APBB1: variants seen among roughly 807,000 people sequenced by gnomAD.
APBB1 encodes the protein amyloid beta precursor protein binding family B member 1, also known as adaptor protein FE65a2.
A neutral mutation model predicts 78.4 loss-of-function variants in APBB1; 22 were observed. The ratio of observed to expected loss-of-function variants is 0.28; its 90% CI spans 0.20 to 0.40. The LOEUF (loss-of-function observed/expected upper bound fraction) is 0.40. APBB1 is among the 10% of genes least tolerant of loss of function. The pLI is 1.00. For missense variants in APBB1, 749 were observed against 932.4 expected (o/e 0.80, Z 2.56); for synonymous variants, 369 against 372.7 (o/e 0.99, Z 0.12).
At position 6,414,471 on chromosome 11, in the gene APBB1, A is replaced by C. The variant is rs138781093; in HGVS notation, c.-14-3110T>G. Among the ~76,000 whole-genome samples, 407 of 152,206 alleles carry C rather than the reference A, an allele frequency of 2.7e-3. 1 individual carries two copies. Among genetic ancestry groups the C allele is most frequent in the African/African-American group, 9.4e-3 (392 of 41,530 alleles). On this transcript the variant is annotated intron_variant, in intron 1 of 14. Transcript: ENST00000609360. ...GAGAGTGTGCCGTGTGCCGACACAG[A>C]CTGGGCTGTTGCAGAAGGAAAGGAC...
rs552978795 is a variant in APBB1, at chr11:6,405,964, G to A, written c.722-2142C>T. 3.3e-4 allele frequency among the ~76,000 whole-genome samples: 50 copies of A among 152,304 alleles called. No homozygotes were observed. In the East Asian group the frequency reaches 8.7e-3, roughly 26 times the overall value. On this transcript the variant is annotated intron_variant, in intron 2 of 14. Transcript: ENST00000609360. Reference sequence around the variant, plus strand: ...GGACACTTCTGGAATCTGGGGACCAGTTCACCATCTCCTGACTGAGTCACA... The same window carrying A: ...GGACACTTCTGGAATCTGGGGACCAATTCACCATCTCCTGACTGAGTCACA...
At chr11:6,400,180 C>T (rs987101368) in intron 12 of APBB1, among the ~76,000 whole-genome samples, 1 of 152,154 alleles carries the variant, frequency 6.6e-6, no homozygotes, top group Non-Finnish European at 1.5e-5. Context: ...TGGTAAGCTT[C>T]AAAGGTATTT....
At chr11:6,400,922 G>A (rs1415712982) in intron 12 of APBB1, 67 bp downstream of exon 12, 1 of 1,440,318 alleles carries the variant, frequency 6.9e-7, no homozygotes, top group Non-Finnish European at 9.8e-7. Flanking sequence ...AGTATTGGAA[G>A]GCAGAGGGTA....
intron 2 of APBB1, chr11:6,404,173 A>G (rs1476772980): frequency 5.6e-6 from 2 of 354,108 alleles, no homozygotes; most frequent in African/African-American, 4.1e-5. Context: ...GAAGGTGAAC[A>G]CTTTCTAGCT....
Position 6,401,700 on chromosome 11 carries a change from G to A in APBB1, c.1389-12C>T. The A allele has an allele frequency of 6.2e-7, 1 of 1,613,942 alleles. No individual in the cohort carries two copies. Among genetic ancestry groups the A allele is most frequent in the Non-Finnish European group, 8.5e-7 (1 of 1,179,880 alleles). On this transcript the variant is annotated splice_polypyrimidine_tract_variant and intron_variant, in intron 9 of 14. Coordinates refer to ENST00000609360, the MANE Select transcript of APBB1 (RefSeq NM_001164.5). The surrounding 1 kb of genome is among the most constrained non-coding windows in gnomAD (Gnocchi z 4.5). ...CGTAGGCAAAGTCCCTGTTGGGGAA[G>A]GGGCACCTCAGTGTCTCCCAGTACC...
intron 2 of APBB1, among the ~76,000 whole-genome samples, chr11:6,407,992 T>G (rs377092285): frequency 0.04 from 5,990 of 151,480 alleles, 400 homozygotes; most frequent in African/African-American, 0.14. Flanking sequence ...TGTTAGCCAG[T>G]ATGGTCTCGA....
chr11:6,419,390 A>C (rs1255867391), upstream of APBB1: 1 of 177,028 alleles, frequency 5.6e-6, no homozygotes, highest in Non-Finnish European at 1.2e-5. Context: ...ACGCCGGGAG[A>C]CGCGCGGACG....
At position 6,395,229 on chromosome 11, in the gene APBB1, G is replaced by C; in HGVS notation, c.*305C>G. ...CCAGTCCCTTCCTCCTTCTGCCCCT[G>C]CTGGGTCCAGGAGGATGAGGCCTGG... On this transcript the variant is annotated 3_prime_UTR_variant, in exon 15 of 15. Coordinates refer to ENST00000609360, the MANE Select transcript of APBB1 (RefSeq NM_001164.5). The surrounding 1 kb of genome is among the most constrained non-coding windows in gnomAD (Gnocchi z 5.2). The C allele has an allele frequency of 3.3e-6, 1 of 305,540 alleles. No homozygotes were observed. Among genetic ancestry groups the C allele is most frequent in the Non-Finnish European group, 6.1e-6 (1 of 165,214 alleles). The allele number at this position is 305,540 out of a possible 1,614,324, so 18.9% of individuals were successfully genotyped here.
At position 6,411,314 on chromosome 11, in the gene APBB1, T is replaced by C. The variant is rs776166798; in HGVS notation, c.34A>G (p.Ile12Val). The C allele has an allele frequency of 1.3e-6, 2 of 1,553,994 alleles. No individual in the cohort carries two copies. The highest frequency in any genetic ancestry group is 1.7e-6 in the Non-Finnish European group (2 of 1,150,986). Residue 12 changes from isoleucine (I) to valine (V), a missense_variant, in exon 2 of 15, where the codon ATT becomes GTT. Physicochemically the swap from Ile to Val is conservative, Grantham distance 29. Transcript: ENST00000609360. The surrounding 1 kb of genome is among the most constrained non-coding windows in gnomAD (Gnocchi z 5.2). ...SVPSSLSQSA[I>V]NANSHGGPAL... Reference sequence around the variant, plus strand: ...GGGCCTCCGTGGCTGTTGGCATTAATGGCCGACTGGCTCAGTGATGATGGA... The same window carrying C: ...GGGCCTCCGTGGCTGTTGGCATTAACGGCCGACTGGCTCAGTGATGATGGA...
At chr11:6,404,954 G>A (rs1015017093) in intron 2 of APBB1, 23 of 1,439,020 alleles carry the variant, frequency 1.6e-5, no homozygotes, top group African/African-American at 1.0e-4. Context: ...ATCCTCCCCC[G>A]CTTGGAGCTT....
Position 6,402,745 on chromosome 11 carries a change from G to A in APBB1, c.1105-20C>T, listed in dbSNP as rs1848592088. The stretch of plus-strand genomic sequence containing the variant: ...GAAACACTGCCAGACACAGAAGAGG[G>A]GCAGGAGGTAGAGGATCTGAGTCAA... On this transcript the variant is annotated intron_variant, in intron 6 of 14. Coordinates refer to ENST00000609360, the MANE Select transcript of APBB1 (RefSeq NM_001164.5). The A allele has an allele frequency of 1.9e-6, 3 of 1,613,684 alleles. No homozygotes were observed. The highest frequency in any genetic ancestry group is 2.2e-5 in the South Asian group (2 of 91,080).
chr11:6,406,963 G>C (rs557880757), intron 2 of APBB1, among the ~76,000 whole-genome samples: 1 of 152,200 alleles, frequency 6.6e-6, no homozygotes, highest in African/African-American at 2.4e-5. Flanking sequence ...CAGCATTTAC[G>C]ATAAGGCCTG....
rs1420898095 is a variant in APBB1 at position 6,398,452 on chromosome 11, G to C, written c.1673-2237C>G. Reference sequence around the variant, plus strand: ...AATGAATATTGCAGCTTCTGGATGGGCTAATGTTTAAAAACGAGCATAAGA... The same window carrying C: ...AATGAATATTGCAGCTTCTGGATGGCCTAATGTTTAAAAACGAGCATAAGA... On this transcript the variant is annotated intron_variant, in intron 12 of 14. Coordinates refer to ENST00000609360, the MANE Select transcript of APBB1 (RefSeq NM_001164.5). 3.9e-5 allele frequency among the ~76,000 whole-genome samples: 6 copies of C among 152,272 alleles called. No individual in the cohort carries two copies. In the East Asian group the frequency reaches 7.7e-4, roughly 20 times the overall value.
rs1325902606 is a variant in APBB1, at chr11:6,401,083, G to A, written c.1589-11C>T. ...GCGCTGGGAATTCCACTATGGGAAA[G>A]AAGAGAAGGTTGATCATGGTGGCAG... On this transcript the variant is annotated splice_polypyrimidine_tract_variant and intron_variant, in intron 11 of 14. Transcript: ENST00000609360. This position sits in a 1 kb window ranked among gnomAD's most constrained non-coding sequence, Gnocchi z 4.5. 1 of 1,614,060 alleles carries A rather than the reference G, an allele frequency of 6.2e-7. No homozygotes were observed. The highest frequency in any genetic ancestry group is 1.3e-5 in the African/African-American group (1 of 74,924).
At chr11:6,402,333 GC>G in intron 7 of APBB1, 124 bp from the exon 8 acceptor site, 2 of 1,373,730 alleles carry the variant, frequency 1.5e-6, no homozygotes, top group Non-Finnish European at 2.0e-6. Context: ...CAGACCGCCC[GC>G]CCTGCAGGCC....
intron 8 of APBB1, 46 bp downstream of exon 8, chr11:6,402,036 G>A: frequency 6.2e-7 from 1 of 1,608,676 alleles, no homozygotes; most frequent in Non-Finnish European, 8.5e-7. Context: ...GGAGGACTCT[G>A]ATGCTGGATG....
intron 1 of APBB1, among the ~76,000 whole-genome samples, chr11:6,417,210 C>T (rs1467160691): frequency 2.6e-5 from 4 of 152,198 alleles, no homozygotes; most frequent in Non-Finnish European, 5.9e-5. Flanking sequence ...CATGTGATTT[C>T]CATGCTTCCT....
At chr11:6,405,442 G>C (rs950358723) in intron 2 of APBB1, 16 of 987,052 alleles carry the variant, frequency 1.6e-5, no homozygotes, top group Non-Finnish European at 1.7e-5. Flanking sequence ...CACCAGGACC[G>C]GCTGGGAGCG....
In APBB1 at chr11:6,401,680, G is replaced by A. The variant is rs1175114681; in HGVS notation, c.1397C>T (p.Ala466Val). The A allele has an allele frequency of 3.1e-6, 5 of 1,614,158 alleles. No individual in the cohort carries two copies. Among genetic ancestry groups the A allele is most frequent in the Admixed American group, 3.3e-5 (2 of 60,028 alleles). Reference protein sequence around the residue: ...GRDSGRERDFAYVARDKLTQM... With the variant: ...GRDSGRERDFVYVARDKLTQM... ...GGTCAGCTTATCACGAGCTACGTAG[G>A]CAAAGTCCCTGTTGGGGAAGGGGCA... Residue 466 changes from alanine to valine, a missense_variant, in exon 10 of 15, where the codon GCC becomes GTC. Ala to Val is a moderately conservative substitution (Grantham distance 64, BLOSUM62 0). This residue lies in a region of APBB1 where 635 missense variants were observed against 765.0 expected (regional missense o/e 0.83). Coordinates refer to ENST00000609360, the MANE Select transcript of APBB1 (RefSeq NM_001164.5). The surrounding 1 kb of genome is among the most constrained non-coding windows in gnomAD (Gnocchi z 4.5).
Sources: gnomAD v4.1 joint callset for allele counts (sites outside exome capture counted in the v4.1 genomes callset) on GRCh38, gnomAD v4.1.1 for gene constraint, gnomAD v4.1.1 regional missense constraint, Gnocchi (gnomAD v3.1) non-coding constraint, MANE v1.5 for transcripts, NCBI Gene and HGNC (gene_info 2026-07-23, HGNC 2026-07-21) for gene names.